GALNT15: variants seen among roughly 807,000 people sequenced by gnomAD.
GALNT15 encodes the protein polypeptide N-acetylgalactosaminyltransferase 15.
In GALNT15, 67 loss-of-function variants were observed where a neutral mutation model predicts 66.8. That is an observed-to-expected ratio of 1.00 (90% CI 0.82 to 1.23). The LOEUF (loss-of-function observed/expected upper bound fraction) is 1.23. Among genes scored for constraint, GALNT15 ranks in the 50% most tolerant of loss-of-function variants. The probability of loss-of-function intolerance (pLI) is 0.00; values close to 1 mark genes in which losing one functional copy is unlikely to be tolerated. For synonymous variants in GALNT15, 313 were observed against 311.5 expected (o/e 1.00, Z -0.05); for missense variants, 827 against 804.3 (o/e 1.03, Z -0.34).
At chr3:16,247,260 A>T in the GALNT15 span, among the ~76,000 whole-genome samples, 42 of 152,354 alleles carry the variant, frequency 2.8e-4, no homozygotes, top group African/African-American at 9.9e-4. Flanking sequence ...GCAGCAATTT[A>T]GACTGTGTGC....
At position 16,186,106 on chromosome 3, in the gene GALNT15, A is replaced by C. The variant is rs1182216492; in HGVS notation, c.540-9654A>C. Among the ~76,000 whole-genome samples the C allele has an allele frequency of 2.0e-5, 3 of 152,222 alleles. No individual in the cohort carries two copies. Among genetic ancestry groups the C allele is most frequent in the African/African-American group, 7.2e-5 (3 of 41,450 alleles). On this transcript the variant is annotated intron_variant, in intron 1 of 9. Coordinates refer to ENST00000339732, the MANE Select transcript of GALNT15 (RefSeq NM_054110.5). This position sits in a 1 kb window ranked among gnomAD's most constrained non-coding sequence, Gnocchi z 5.1. ...AACCCTTACAACCCAACAATTAAACAACAAAACACTCCATTTTAAAATGGG... is the reference window on the plus strand; with the variant it reads ...AACCCTTACAACCCAACAATTAAACCACAAAACACTCCATTTTAAAATGGG...
intron 1 of GALNT15, among the ~76,000 whole-genome samples, chr3:16,190,752 C>T (rs2063568183): frequency 6.6e-6 from 1 of 152,126 alleles, no homozygotes. Flanking sequence ...TAGTTCCACA[C>T]TCCAAGCCAT....
At chr3:16,201,564 C>T (rs190963790) in intron 3 of GALNT15, among the ~76,000 whole-genome samples, 247 of 152,258 alleles carry the variant, frequency 1.6e-3, no homozygotes, top group African/African-American at 5.7e-3. Flanking sequence ...ATTACTCACC[C>T]ATAAAAAGAA....
At chr3:16,215,224 T>G (rs2063859013) in intron 6 of GALNT15, among the ~76,000 whole-genome samples, 1 of 152,278 alleles carries the variant, frequency 6.6e-6, no homozygotes, top group Non-Finnish European at 1.5e-5. Context: ...GAATATATAC[T>G]TTGTTCTAGA....
chr3:16,213,960 G>T (rs1026323695), intron 6 of GALNT15, among the ~76,000 whole-genome samples: 18 of 152,208 alleles, frequency 1.2e-4, no homozygotes, highest in African/African-American at 4.3e-4. Context: ...TGAACTTCAA[G>T]GATCTTTGTT....
At chr3:16,177,676 C>A (rs945749256) in intron 1 of GALNT15, among the ~76,000 whole-genome samples, 7 of 152,136 alleles carry the variant, frequency 4.6e-5, no homozygotes, top group African/African-American at 1.7e-4. Flanking sequence ...TGGGGTGATG[C>A]CACATGCATT....
rs2063689769 is a variant in GALNT15, at chr3:16,200,626, C to T, written c.714C>T (p.Leu238=). The change falls in exon 3 of 10, where the codon CTC becomes CTT. Residue 238 remains leucine, a synonymous_variant. Coordinates refer to ENST00000339732, the MANE Select transcript of GALNT15 (RefSeq NM_054110.5). This position sits in a 1 kb window ranked among gnomAD's most constrained non-coding sequence, Gnocchi z 4.4. The part of the protein sequence containing the change: ...LVDDLSQQGQ[L]KSALSEYVAR... ...CAACCCTGTTGATTCCAGGACAACT[C>T]AAGTCTGCTCTCAGCGAATATGTGG... 11 of 1,545,716 alleles carry T rather than the reference C, an allele frequency of 7.1e-6. No individual in the cohort carries two copies. Among genetic ancestry groups the T allele is most frequent in the South Asian group, 2.5e-5 (2 of 79,862 alleles).
At chr3:16,223,385 A>C (rs1439811830) in intron 9 of GALNT15, among the ~76,000 whole-genome samples, 3 of 152,182 alleles carry the variant, frequency 2.0e-5, no homozygotes, top group African/African-American at 7.2e-5. Context: ...CAGTATCAAC[A>C]CTGTGTCCAT....
the GALNT15 span, among the ~76,000 whole-genome samples, chr3:16,239,767 A>G: frequency 6.6e-6 from 1 of 152,252 alleles, no homozygotes; most frequent in African/African-American, 2.4e-5. This position sits in a 1 kb window ranked among gnomAD's most constrained non-coding sequence, Gnocchi z 5.2. Context: ...AGAAACATAA[A>G]AGGCAAGTAA....
chr3:16,200,657 C>A lies in GALNT15; in HGVS notation c.745C>A (p.Leu249Met). 6.3e-7 allele frequency: 1 copy of A among 1,596,388 alleles called. No individual in the cohort carries two copies. Among genetic ancestry groups the A allele is most frequent in the Non-Finnish European group, 8.5e-7 (1 of 1,171,210 alleles). Residue 249 changes from leucine (L) to methionine (M), a missense_variant, in exon 3 of 10, where the codon CTG becomes ATG. Transcript: ENST00000339732. This position sits in a 1 kb window ranked among gnomAD's most constrained non-coding sequence, Gnocchi z 4.4. ...TGCTCTCAGCGAATATGTGGCCAGG[C>A]TGGAGGGGGTGAAGTTACTCAGGAG... ...KSALSEYVAR[L>M]EGVKLLRSNK...
rs1234371282 is a variant in GALNT15, at chr3:16,209,676, GC to G, written c.1079+1007del. The stretch of plus-strand genomic sequence containing the variant: ...CTACTAAAATTACAAAAAAAAATTA[GC>G]TGGGCATGGTAGCACACTCCTGTAG... On this transcript the variant is annotated intron_variant, in intron 4 of 9. Coordinates refer to ENST00000339732, the MANE Select transcript of GALNT15 (RefSeq NM_054110.5). This position sits in a 1 kb window ranked among gnomAD's most constrained non-coding sequence, Gnocchi z 4.1. Among the ~76,000 whole-genome samples the G allele has an allele frequency of 6.6e-6, 1 of 152,036 alleles. No individual in the cohort carries two copies. The highest frequency in any genetic ancestry group is 6.5e-5 in the Admixed American group (1 of 15,270).
rs1220684038 is a variant in GALNT15, at chr3:16,180,220, C to G, written c.539+4530C>G. Among the ~76,000 whole-genome samples, 1 of 152,226 alleles carries G rather than the reference C, an allele frequency of 6.6e-6. No individual in the cohort carries two copies. On this transcript the variant is annotated intron_variant, in intron 1 of 9. Transcript: ENST00000339732. The surrounding 1 kb of genome is among the most constrained non-coding windows in gnomAD (Gnocchi z 5.0). ...ACTCCTGGTACTGCTGCTGCTGCTGCTCCCAATCCAGAGACACTTTGAGAA... is the reference window on the plus strand; with the variant it reads ...ACTCCTGGTACTGCTGCTGCTGCTGGTCCCAATCCAGAGACACTTTGAGAA...
At chr3:16,201,256 A>T (rs1035446840) in intron 3 of GALNT15, among the ~76,000 whole-genome samples, 1 of 151,714 alleles carries the variant, frequency 6.6e-6, no homozygotes, top group Non-Finnish European at 1.5e-5. Flanking sequence ...ATCTCGGCTC[A>T]CTGCAAGCTG....
chr3:16,175,171 A>G lies in GALNT15; in HGVS notation c.20A>G (p.Tyr7Cys). MLLRKR[Y>C]RHRPCRLQFL... ...AGCAACATGCTCCTAAGGAAGCGAT[A>G]CAGGCACAGACCATGCAGACTCCAG... is the stretch of plus-strand genomic sequence containing the variant. Residue 7 changes from tyrosine to cysteine, a missense_variant, in exon 1 of 10, where the codon TAC becomes TGC. By Grantham distance (194) the Tyr-to-Cys change is radical. Transcript: ENST00000339732. This position sits in a 1 kb window ranked among gnomAD's most constrained non-coding sequence, Gnocchi z 5.6. 6.2e-7 allele frequency: 1 copy of G among 1,613,640 alleles called. No individual in the cohort carries two copies. Among genetic ancestry groups the G allele is most frequent in the Non-Finnish European group, 8.5e-7 (1 of 1,179,626 alleles).
intron 8 of GALNT15, among the ~76,000 whole-genome samples, chr3:16,221,894 A>G (rs1559693510): frequency 6.6e-6 from 1 of 152,186 alleles, no homozygotes; most frequent in Non-Finnish European, 1.5e-5. Context: ...TTAATTTGAC[A>G]ATTATTAAGA....
At chr3:16,207,263 G>A (rs563887312) in intron 3 of GALNT15, among the ~76,000 whole-genome samples, 1 of 152,006 alleles carries the variant, frequency 6.6e-6, no homozygotes, top group Non-Finnish European at 1.5e-5. Flanking sequence ...TCCCCTCCCA[G>A]GAATCTCACT....
chr3:16,195,935 G>T lies in GALNT15; in HGVS notation c.706+9G>T, dbSNP rs150979033. On this transcript the variant is annotated intron_variant, in intron 2 of 9. Coordinates refer to ENST00000339732, the MANE Select transcript of GALNT15 (RefSeq NM_054110.5). This position sits in a 1 kb window ranked among gnomAD's most constrained non-coding sequence, Gnocchi z 4.6. ...CGACCTCAGCCAGCAAGGTAGCCAC[G>T]GCTTTCCTCCAGGCTCGTCTGGGTG... 12 of 1,613,728 alleles carry T rather than the reference G, an allele frequency of 7.4e-6. No homozygotes were observed. Among genetic ancestry groups the T allele is most frequent in the Non-Finnish European group, 1.0e-5 (12 of 1,179,874 alleles).
intron 8 of GALNT15, chr3:16,220,360 G>A: frequency 3.1e-6 from 1 of 322,826 alleles, no homozygotes; most frequent in Non-Finnish European, 5.9e-6. Context: ...TTCAGGCAGG[G>A]TTCAGTTGTC....
Position 16,219,478 on chromosome 3 carries a change from G to A in GALNT15, c.1468G>A (p.Ala490Thr), listed in dbSNP as rs2063917348. The change falls in exon 7 of 10, where the codon GCT (alanine) becomes ACT (threonine). Residue 490 changes from alanine (A) to threonine (T), a missense_variant. Physicochemically the swap from Ala to Thr is moderately conservative, Grantham distance 58 (BLOSUM62 0). Transcript: ENST00000339732. This position sits in a 1 kb window ranked among gnomAD's most constrained non-coding sequence, Gnocchi z 4.3. ...LGCRTFHWFLANVYPELYPSE... is the reference protein window; with the variant it reads ...LGCRTFHWFLTNVYPELYPSE... The stretch of plus-strand genomic sequence containing the variant: ...TTGTCGGACATTCCACTGGTTTCTG[G>A]CTAATGTCTACCCTGAGCTGTACCC... 10 of 1,614,190 alleles carry A rather than the reference G, an allele frequency of 6.2e-6. No homozygotes were observed. The highest frequency in any genetic ancestry group is 2.2e-5 in the South Asian group (2 of 91,084).
Sources: gnomAD v4.1 joint callset for allele counts (sites outside exome capture counted in the v4.1 genomes callset) on GRCh38, gnomAD v4.1.1 for gene constraint, Gnocchi (gnomAD v3.1) non-coding constraint, MANE v1.5 for transcripts, NCBI Gene and HGNC (gene_info 2026-07-23, HGNC 2026-07-21) for gene names.